KIF25: variants seen among roughly 807,000 people sequenced by gnomAD.
KIF25 encodes the protein kinesin family member 25.
In KIF25, 19 loss-of-function variants were observed where a neutral mutation model predicts 32.9. That is an observed-to-expected ratio of 0.58 (90% confidence interval 0.40 to 0.85). KIF25 has a LOEUF of 0.85. Among genes scored for constraint, KIF25 ranks in the 40% least tolerant of loss-of-function variants. The pLI, the probability that KIF25 is intolerant of heterozygous loss-of-function variation, is 0.00. For synonymous variants in KIF25, 225 were observed against 213.7 expected (o/e 1.05, Z -0.46); for missense variants, 485 against 507.0 (o/e 0.96, Z 0.42).
chr6:168,040,273 G>A, intron 10 of KIF25, 57 bp downstream of exon 10: 2 of 1,538,920 alleles, frequency 1.3e-6, no homozygotes, highest in South Asian at 1.2e-5. Flanking sequence ...CACTTAAGAA[G>A]AAAAAAATCA....
chr6:168,003,328 A>G, intron 3 of KIF25, among the ~76,000 whole-genome samples: 1 of 152,230 alleles, frequency 6.6e-6, no homozygotes, highest in East Asian at 1.9e-4. Context: ...AGAGTAAAAA[A>G]AATAAAAAGC....
At chr6:168,005,261 A>G (rs1798563932) in intron 4 of KIF25, among the ~76,000 whole-genome samples, 1 of 152,168 alleles carries the variant, frequency 6.6e-6, no homozygotes, top group Non-Finnish European at 1.5e-5. Context: ...TCCCTGGTGG[A>G]GCCTGAGAAT....
intron 5 of KIF25, among the ~76,000 whole-genome samples, chr6:168,020,481 A>T (rs1006009113): frequency 1.5e-4 from 23 of 152,148 alleles, no homozygotes; most frequent in Non-Finnish European, 3.4e-4. Flanking sequence ...AAAAAAAAAA[A>T]ACTCTTCCAA....
Position 168,044,817 on chromosome 6 carries a change from T to C in KIF25, c.986-10T>C. The C allele has an allele frequency of 6.4e-7, 1 of 1,566,620 alleles. No homozygotes were observed. Among genetic ancestry groups the C allele is most frequent in the Non-Finnish European group, 8.7e-7 (1 of 1,152,738 alleles). ...CTTTCCAGCTTGCATGTTGTTTTTC[T>C]ATTTTAAAGGAGGCGATGCGAAGTT... On this transcript the variant is annotated splice_polypyrimidine_tract_variant and intron_variant, in intron 12 of 12. Coordinates refer to ENST00000643607, the MANE Select transcript of KIF25 (RefSeq NM_030615.4).
chr6:168,044,066 C>T (rs940452023), intron 12 of KIF25, among the ~76,000 whole-genome samples: 3 of 152,200 alleles, frequency 2.0e-5, no homozygotes, highest in African/African-American at 7.2e-5. Flanking sequence ...CTAGGGCTGA[C>T]TTCATACCTC....
At chr6:168,011,004 G>A (rs1270321142) in intron 4 of KIF25, among the ~76,000 whole-genome samples, 2 of 152,030 alleles carry the variant, frequency 1.3e-5, no homozygotes, top group East Asian at 3.9e-4. Flanking sequence ...TCTCTTTACA[G>A]TTGAGGTGAG....
At position 168,016,799 on chromosome 6, in the gene KIF25, G is replaced by A. The variant is rs546340695; in HGVS notation, c.-162-1174G>A. 7.9e-5 allele frequency among the ~76,000 whole-genome samples: 12 copies of A among 152,344 alleles called. No homozygotes were observed. The East Asian group carries it at 1.9e-3, about 25-fold the overall frequency. ...AGGCCAGTTAGGGGATAGCCAGGGCGCTGTTTCATTACACTGGACAATAGC... is the reference window on the plus strand; with the variant it reads ...AGGCCAGTTAGGGGATAGCCAGGGCACTGTTTCATTACACTGGACAATAGC... On this transcript the variant is annotated intron_variant, in intron 4 of 12. Transcript: ENST00000643607.
Position 167,998,858 on chromosome 6 carries a change from C to T in KIF25, c.-611C>T, listed in dbSNP as rs1428578152. 1.3e-5 allele frequency: 2 copies of T among 152,292 alleles called. No individual in the cohort carries two copies. Among genetic ancestry groups the T allele is most frequent in the East Asian group, 3.9e-4 (2 of 5,156 alleles). 9.4% of individuals were successfully genotyped at this position (152,292 alleles called of 1,614,324 possible). ...CCTGAGGTCAGGAGTTCGAGACCAG[C>T]TTGGCCAACATGGTAAAAACCCTTC... On this transcript the variant is annotated 5_prime_UTR_variant, in exon 1 of 13. Transcript: ENST00000643607.
intron 5 of KIF25, among the ~76,000 whole-genome samples, chr6:168,027,391 T>C (rs2114894696): frequency 7.0e-6 from 1 of 143,792 alleles, no homozygotes; most frequent in East Asian, 2.0e-4. Flanking sequence ...GAGACAGAGG[T>C]TGCAGTGAGC....
chr6:168,016,763 A>C (rs1798720123), intron 4 of KIF25, among the ~76,000 whole-genome samples: 1 of 152,192 alleles, frequency 6.6e-6, no homozygotes, highest in African/African-American at 2.4e-5. Context: ...GGGGTGCTGG[A>C]CTGGAGGCAG....
intron 4 of KIF25, among the ~76,000 whole-genome samples, chr6:168,006,704 A>G (rs1798584024): frequency 6.6e-6 from 1 of 152,226 alleles, no homozygotes; most frequent in South Asian, 2.1e-4. Context: ...GAATTCAGGA[A>G]AATCTCAGGT....
At chr6:168,036,458 T>C (rs182987045) in intron 8 of KIF25, among the ~76,000 whole-genome samples, 1 of 152,230 alleles carries the variant, frequency 6.6e-6, no homozygotes, top group African/African-American at 2.4e-5. Context: ...GGAATCACAC[T>C]GTTCATTGCA....
intron 7 of KIF25, among the ~76,000 whole-genome samples, chr6:168,031,825 A>C (rs1798946383): frequency 6.6e-6 from 1 of 152,240 alleles, no homozygotes; most frequent in South Asian, 2.1e-4. Context: ...GTCAGCAAAA[A>C]GAGTCAAACC....
At chr6:168,009,080 C>T (rs1158962666) in intron 4 of KIF25, among the ~76,000 whole-genome samples, 2 of 151,974 alleles carry the variant, frequency 1.3e-5, no homozygotes, top group East Asian at 3.9e-4. Flanking sequence ...CTTTCTTTTG[C>T]CTAATTGCTA....
At chr6:168,039,060 C>T (rs1014652821) in intron 9 of KIF25, among the ~76,000 whole-genome samples, 1 of 151,944 alleles carries the variant, frequency 6.6e-6, no homozygotes, top group East Asian at 1.9e-4. Flanking sequence ...AGGTGTATAC[C>T]TTAAACATAC....
At chr6:168,009,976 T>C (rs1318882782) in intron 4 of KIF25, among the ~76,000 whole-genome samples, 6 of 152,068 alleles carry the variant, frequency 3.9e-5, no homozygotes, top group African/African-American at 1.4e-4. Context: ...TTAGTCTGGC[T>C]AATGGTTTGT....
chr6:168,034,396 T>C (rs1248858303), intron 8 of KIF25, among the ~76,000 whole-genome samples: 16 of 152,164 alleles, frequency 1.1e-4, no homozygotes. Context: ...GTATCTGGTA[T>C]CACAGGAGTG....
chr6:168,008,600 T>C (rs972981948), intron 4 of KIF25, among the ~76,000 whole-genome samples: 2 of 152,190 alleles, frequency 1.3e-5, no homozygotes, highest in Non-Finnish European at 2.9e-5. Context: ...TTTTTCAATT[T>C]CTGTGAAAAA....
At chr6:168,013,034 A>G (rs939803996) in intron 4 of KIF25, among the ~76,000 whole-genome samples, 4 of 151,554 alleles carry the variant, frequency 2.6e-5, no homozygotes, top group Admixed American at 6.6e-5. Flanking sequence ...TGGCTCGGGG[A>G]TATGCTTACT....
Sources: allele counts gnomAD v4.1 joint callset (sites outside exome capture counted in the v4.1 genomes callset), GRCh38; gene constraint gnomAD v4.1.1; transcripts MANE v1.5; gene names NCBI Gene and HGNC (gene_info 2026-07-23, HGNC 2026-07-21).